The following CUX2 variants were observed in gnomAD, a reference collection of about 807,000 sequenced individuals.
CUX2 encodes cut like homeobox 2.
A neutral mutation model predicts 144.8 loss-of-function variants in CUX2; 40 were observed. The observed-to-expected ratio is 0.28, with a 90% CI of 0.21 to 0.36. The LOEUF is 0.36. CUX2 is among the 10% of genes least tolerant of loss of function. The probability of loss-of-function intolerance (pLI) is 1.00; values close to 1 mark genes in which losing one functional copy is unlikely to be tolerated. For synonymous variants in CUX2, 827 were observed against 875.6 expected, an observed-to-expected ratio of 0.94 and a Z score of 0.98; for missense variants, 1,615 against 1,994.0, an observed-to-expected ratio of 0.81 and a Z score of 3.62.
chr12:111,262,986 G>A (rs931890827), intron 3 of CUX2, among the ~76,000 whole-genome samples: 2 of 152,236 alleles, frequency 1.3e-5, no homozygotes, highest in Admixed American at 1.3e-4. Context: ...AATCCCAACA[G>A]GAGGTAGGTC....
chr12:111,299,681 G>A (rs1221756744), intron 9 of CUX2, among the ~76,000 whole-genome samples: 1 of 152,132 alleles, frequency 6.6e-6, no homozygotes, highest in African/African-American at 2.4e-5. Context: ...TTTTGTATAG[G>A]CTACATAGCC....
intron 9 of CUX2, among the ~76,000 whole-genome samples, chr12:111,301,342 C>G (rs994535798): frequency 6.6e-6 from 1 of 152,070 alleles, no homozygotes; most frequent in African/African-American, 2.4e-5. Context: ...AGTTTGTACT[C>G]TAGGCGAGGA....
chr12:111,128,371 C>T (rs546709421), intron 1 of CUX2, among the ~76,000 whole-genome samples: 9 of 152,240 alleles, frequency 5.9e-5, no homozygotes, highest in South Asian at 4.2e-4. Flanking sequence ...AAACCAGGTC[C>T]GGGTCAATTC....
intron 1 of CUX2, among the ~76,000 whole-genome samples, chr12:111,090,335 T>A (rs1407275163): frequency 6.6e-6 from 1 of 152,040 alleles, no homozygotes; most frequent in Non-Finnish European, 1.5e-5. Flanking sequence ...ATGATCTCGG[T>A]TCACTGCAAC....
intron 1 of CUX2, among the ~76,000 whole-genome samples, chr12:111,123,734 C>G (rs1008569233): frequency 6.6e-6 from 1 of 151,878 alleles, no homozygotes; most frequent in Non-Finnish European, 1.5e-5. Flanking sequence ...CGGGGTTTCA[C>G]TATGTTGCCC....
chr12:111,226,980 T>C (rs917548083), intron 3 of CUX2, among the ~76,000 whole-genome samples: 2 of 152,192 alleles, frequency 1.3e-5, no homozygotes, highest in African/African-American at 4.8e-5. Flanking sequence ...CATGGCTCAG[T>C]CGGCCCAGTG....
chr12:111,141,152 C>G (rs967007206), intron 1 of CUX2, among the ~76,000 whole-genome samples: 2 of 152,104 alleles, frequency 1.3e-5, no homozygotes, highest in African/African-American at 4.8e-5. Flanking sequence ...TCAGTGATTT[C>G]TCAGGCCCTT....
chr12:111,327,088 C>A (rs1266739695), intron 18 of CUX2, among the ~76,000 whole-genome samples: 1 of 152,186 alleles, frequency 6.6e-6, no homozygotes, highest in Non-Finnish European at 1.5e-5. Context: ...CATTGCCCAT[C>A]CTCCTTCCCC....
chr12:111,185,973 CTCTT>C (rs1394065205), intron 1 of CUX2, among the ~76,000 whole-genome samples: 1 of 151,904 alleles, frequency 6.6e-6, no homozygotes, highest in Non-Finnish European at 1.5e-5. Context: ...CTCTCCCCCT[CTCTT>C]TCTGTATTTC....
In CUX2 at chr12:111,293,294, G is replaced by A; in HGVS notation, c.437-152G>A. 1 of 1,197,336 alleles carries A rather than the reference G, an allele frequency of 8.4e-7. No individual in the cohort carries two copies. Among genetic ancestry groups the A allele is most frequent in the Non-Finnish European group, 1.1e-6 (1 of 882,622 alleles). The allele number at this position is 1,197,336 out of a possible 1,614,324, so 74.2% of individuals were successfully genotyped here. On this transcript the variant is annotated intron_variant, in intron 5 of 21. Transcript: ENST00000261726. This position sits in a 1 kb window ranked among gnomAD's most constrained non-coding sequence, Gnocchi z 4.5. ...GAAATGACCTGTGTGCTGAGGACAT[G>A]CGGCCCGCAGGGCCCCACAGCTGCG...
chr12:111,155,616 C>T (rs150272217), intron 1 of CUX2, among the ~76,000 whole-genome samples: 1 of 152,142 alleles, frequency 6.6e-6, no homozygotes, highest in Non-Finnish European at 1.5e-5. Context: ...CCAGGGAAAC[C>T]ACCCTAGCCT....
At chr12:111,346,768 T>C (rs1045508322) in intron 21 of CUX2, among the ~76,000 whole-genome samples, 2 of 152,168 alleles carry the variant, frequency 1.3e-5, no homozygotes, top group South Asian at 4.1e-4. Flanking sequence ...ATCCCAGCAC[T>C]TGGGGAGGCC....
At chr12:111,099,739 C>A (rs2136066163) in intron 1 of CUX2, 1 of 455,070 alleles carries the variant, frequency 2.2e-6, no homozygotes. Context: ...GAAACTGGGG[C>A]CTGCACGGAT....
chr12:111,342,065 G>T lies in CUX2; in HGVS notation c.3659+12G>T, dbSNP rs149650623. 177 of 1,603,900 alleles carry T rather than the reference G, an allele frequency of 1.1e-4. 1 individual carries two copies. The African/African-American group carries it at 2.2e-3, about 20-fold the overall frequency. Reference sequence around the variant, plus strand: ...TTCCACAACTACAGGTGGGACTATGGGGGCGTACCCACAGGCGGGTGGCAG... The same window carrying T: ...TTCCACAACTACAGGTGGGACTATGTGGGCGTACCCACAGGCGGGTGGCAG... On this transcript the variant is annotated intron_variant, in intron 21 of 21. Coordinates refer to ENST00000261726, the MANE Select transcript of CUX2 (RefSeq NM_015267.4).
intron 3 of CUX2, among the ~76,000 whole-genome samples, chr12:111,249,452 T>TG (rs1883461096): frequency 6.9e-6 from 1 of 144,014 alleles, no homozygotes; most frequent in African/African-American, 2.6e-5. Flanking sequence ...TTTGTTTTTT[T>TG]TTTTTTTTTT....
intron 9 of CUX2, among the ~76,000 whole-genome samples, chr12:111,300,542 G>A (rs542053734): frequency 1.4e-4 from 22 of 152,206 alleles, no homozygotes; most frequent in Admixed American, 3.9e-4. Context: ...TCTGTTTTAC[G>A]GCTGTGTGGT....
At chr12:111,104,706 C>A (rs1873481811) in intron 1 of CUX2, among the ~76,000 whole-genome samples, 1 of 152,200 alleles carries the variant, frequency 6.6e-6, no homozygotes, top group African/African-American at 2.4e-5. Flanking sequence ...GTTTTCAGAG[C>A]CGCCAGGCCA....
chr12:111,305,038 T>C (rs545917291), intron 10 of CUX2, among the ~76,000 whole-genome samples: 3 of 152,358 alleles, frequency 2.0e-5, no homozygotes, highest in Admixed American at 6.5e-5. Flanking sequence ...GTGTTAGGCC[T>C]GATTAATCAA....
chr12:111,092,659 G>A (rs555484005), intron 1 of CUX2, among the ~76,000 whole-genome samples: 13 of 152,192 alleles, frequency 8.5e-5, no homozygotes, highest in South Asian at 8.3e-4. Context: ...TCCTGCCAGC[G>A]ATTGGCTAGG....
Sources: gnomAD v4.1 joint callset for allele counts (sites outside exome capture counted in the v4.1 genomes callset) on GRCh38, gnomAD v4.1.1 for gene constraint, Gnocchi (gnomAD v3.1) non-coding constraint, MANE v1.5 for transcripts, NCBI Gene and HGNC (gene_info 2026-07-23, HGNC 2026-07-21) for gene names.